The following EME2 variants were observed in gnomAD, a reference collection of about 807,000 sequenced individuals.
The protein encoded by EME2 is essential meiotic structure-specific endonuclease subunit 2.
Under a neutral mutation model 41.9 loss-of-function variants are expected in EME2, and 58 were observed. The observed-to-expected ratio is 1.38, with a 90% CI of 1.12 to 1.72. The LOEUF is 1.72. Among genes scored for constraint, EME2 ranks in the 40% most tolerant of loss-of-function variants. The pLI, the probability that EME2 is intolerant of heterozygous loss-of-function variation, is 0.00. For missense variants in EME2, 695 were observed against 541.9 expected, an observed-to-expected ratio of 1.28 and a Z score of -2.81; for synonymous variants, 334 against 239.3, an observed-to-expected ratio of 1.40 and a Z score of -3.65.
At position 1,777,215 on chromosome 16, in the gene EME2, A is replaced by T. The variant is rs1245600969; in HGVS notation, c.*977A>T. 1.2e-6 allele frequency: 2 copies of T among 1,610,626 alleles called. No individual in the cohort carries two copies. Among genetic ancestry groups the T allele is most frequent in the Non-Finnish European group, 1.7e-6 (2 of 1,179,826 alleles). On this transcript the variant is annotated 3_prime_UTR_variant, in exon 8 of 8. Transcript: ENST00000568449. ...CTTGCGGCGGCTGCAACTCATGCTC[A>T]GGACCCAGCCCAGCTTGTTGTGTAG... is the stretch of plus-strand genomic sequence containing the variant.
Position 1,775,682 on chromosome 16 carries a change from C to T in EME2, c.777C>T (p.Leu259=), listed in dbSNP as rs774035508. The change falls in exon 6 of 8, where the codon CTC becomes CTT. Residue 259 remains leucine (L), a splice_region_variant and synonymous_variant. Transcript: ENST00000568449. ...CCAAGGCTCTCGCCCAGTATCCCCT[C>T]AAGTGCGTGATGCCAAGGCTGAAGG... ...AVTKALAQYP[L]KQYRESQAFS... is the part of the protein sequence containing the mutation. 3 of 1,612,758 alleles carry T rather than the reference C, an allele frequency of 1.9e-6. No individual in the cohort carries two copies. Among genetic ancestry groups the T allele is most frequent in the Admixed American group, 1.7e-5 (1 of 60,032 alleles).
chr16:1,775,897 C>T lies in EME2; in HGVS notation c.880C>T (p.Arg294Trp), dbSNP rs371450157. Residue 294 changes from arginine to tryptophan, a missense_variant, in exon 7 of 8, where the codon CGG (arginine) becomes TGG (tryptophan). Arg to Trp is a moderately radical substitution (Grantham distance 101). Coordinates refer to ENST00000568449, the MANE Select transcript of EME2 (RefSeq NM_001257370.2). ...CGGCGCAGGGCTGCAGGCGGCCTGG[C>T]GGAGGCAGATCAGGCAGTTCAGTCG... Reference protein sequence around the residue: ...RDGAGLQAAWRRQIRQFSRVS... With the variant: ...RDGAGLQAAWWRQIRQFSRVS... 1.6e-5 allele frequency: 25 copies of T among 1,612,250 alleles called. No individual in the cohort carries two copies. The highest frequency in any genetic ancestry group is 1.6e-4 in the Middle Eastern group (1 of 6,082).
Position 1,781,382 on chromosome 16 carries a change from G to C in EME2, c.*5144G>C, listed in dbSNP as rs764962872. ...CCTGCCCATCAGAGTCGTAGCCCCA[G>C]TTAGTGGAGCCTGCTAGAGCCACGG... On this transcript the variant is annotated 3_prime_UTR_variant, in exon 8 of 8. Coordinates refer to ENST00000568449, the MANE Select transcript of EME2 (RefSeq NM_001257370.2). 6.2e-7 allele frequency: 1 copy of C among 1,612,870 alleles called. No homozygotes were observed. Among genetic ancestry groups the C allele is most frequent in the East Asian group, 2.2e-5 (1 of 44,884 alleles).
At position 1,777,492 on chromosome 16, in the gene EME2, T is replaced by A. The variant is rs2042731931; in HGVS notation, c.*1254T>A. 6.9e-7 allele frequency: 1 copy of A among 1,447,188 alleles called. No individual in the cohort carries two copies. Among genetic ancestry groups the A allele is most frequent in the South Asian group, 1.4e-5 (1 of 71,670 alleles). The allele number at this position is 1,447,188 out of a possible 1,614,324, so 89.6% of individuals were successfully genotyped here. On this transcript the variant is annotated 3_prime_UTR_variant, in exon 8 of 8. Coordinates refer to ENST00000568449, the MANE Select transcript of EME2 (RefSeq NM_001257370.2). The stretch of plus-strand genomic sequence containing the variant: ...AACCCCAGGCAGGGAAGGGGCCAGC[T>A]ACTGGGCGCAGCCCCTCAGACCTCA...
Position 1,773,117 on chromosome 16 carries a change from C to T in EME2, c.-111C>T, listed in dbSNP as rs944104381. ...GCCGCGGACGCACCTTCTTCCGCGC[C>T]ATGGCGGGTCCGCGTCCTCAGCGGT... On this transcript the variant is annotated 5_prime_UTR_variant, in exon 1 of 8. Transcript: ENST00000568449. 9 of 1,392,034 alleles carry T rather than the reference C, an allele frequency of 6.5e-6. No individual in the cohort carries two copies. In the African/African-American group the frequency reaches 1.1e-4, roughly 17 times the overall value. The allele number at this position is 1,392,034 out of a possible 1,614,324, so 86.2% of individuals were successfully genotyped here. A position where few individuals can be genotyped will look rare whatever the true frequency, so the allele number is the denominator to read the frequency against.
Position 1,772,918 on chromosome 16 carries a change from G to A in EME2, c.-310G>A. The A allele has an allele frequency of 1.4e-6, 2 of 1,449,402 alleles. No homozygotes were observed. Among genetic ancestry groups the A allele is most frequent in the South Asian group, 1.4e-5 (1 of 71,268 alleles). 89.8% of individuals were successfully genotyped at this position (1,449,402 alleles called of 1,614,324 possible). A position where few individuals can be genotyped will look rare whatever the true frequency, so the allele number is the denominator to read the frequency against. ...AGGCCGAAGAGCGGGAGGCGGCCGA[G>A]CAGCTGCAAGAGGCGGCTCTCGCGG... On this transcript the variant is annotated 5_prime_UTR_variant, in exon 1 of 8. Transcript: ENST00000568449.
At position 1,773,798 on chromosome 16, in the gene EME2, G is replaced by C; in HGVS notation, c.341G>C (p.Ser114Thr). The C allele has an allele frequency of 1.3e-6, 2 of 1,556,280 alleles. No individual in the cohort carries two copies. The highest frequency in any genetic ancestry group is 1.9e-5 in the Admixed American group (1 of 52,606). The change falls in exon 2 of 8, where the codon AGC becomes ACC. Residue 114 changes from serine to threonine, a missense_variant. Physicochemically the swap from Ser to Thr is moderately conservative, Grantham distance 58. Coordinates refer to ENST00000568449, the MANE Select transcript of EME2 (RefSeq NM_001257370.2). ...ATCGAGCCCCAGCGCCCGGCCCGCA[G>C]CCTGCGGTGGACCCGAGCGAGTCCC... ...CRIEPQRPAR[S>T]LRWTRASPDP...
Position 1,775,865 on chromosome 16 carries a change from C to G in EME2, c.848C>G (p.Ala283Gly). The G allele has an allele frequency of 1.2e-6, 2 of 1,612,646 alleles. No individual in the cohort carries two copies. Among genetic ancestry groups the G allele is most frequent in the Non-Finnish European group, 1.7e-6 (2 of 1,179,870 alleles). The change falls in exon 7 of 8, where the codon GCA (alanine) becomes GGA (glycine). Residue 283 changes from alanine (A) to glycine (G), a missense_variant. By Grantham distance (60) the Ala-to-Gly change is moderately conservative. Transcript: ENST00000568449. ...CGCTGGGCAGCCGGCGAGCCAGTGG[C>G]AAGAGACGGCGCAGGGCTGCAGGCG... ...AGRWAAGEPV[A>G]RDGAGLQAAW...
rs1010167704 is a variant in EME2 at position 1,777,603 on chromosome 16, C to G, written c.*1365C>G. 1.6e-5 allele frequency: 23 copies of G among 1,423,790 alleles called. No homozygotes were observed. In the South Asian group the frequency reaches 2.2e-4, roughly 13 times the overall value. The allele number at this position is 1,423,790 out of a possible 1,614,324, so 88.2% of individuals were successfully genotyped here. ...GCCCTGCCACTCCAGCCTGGCCTCA[C>G]TGTCCCACCCCCTGGGACCCTGGGG... On this transcript the variant is annotated 3_prime_UTR_variant, in exon 8 of 8. Coordinates refer to ENST00000568449, the MANE Select transcript of EME2 (RefSeq NM_001257370.2).
Position 1,774,255 on chromosome 16 carries a change from C to G in EME2, c.385-5C>G, listed in dbSNP as rs2042675995. ...AGGCAGCAGCGCGTCCCCATGTCCC[C>G]ACAGCTGCCTCCTGAAGTGTGGGCT... On this transcript the variant is annotated splice_region_variant and splice_polypyrimidine_tract_variant and intron_variant, in intron 2 of 7. Coordinates refer to ENST00000568449, the MANE Select transcript of EME2 (RefSeq NM_001257370.2). 6.2e-7 allele frequency: 1 copy of G among 1,612,230 alleles called. No homozygotes were observed. Among genetic ancestry groups the G allele is most frequent in the South Asian group, 1.1e-5 (1 of 91,074 alleles).
rs1386396235 is a variant in EME2 at position 1,780,168 on chromosome 16, G to A, written c.*3930G>A. 1 of 152,298 alleles carries A rather than the reference G, an allele frequency of 6.6e-6. No homozygotes were observed. The highest frequency in any genetic ancestry group is 6.5e-5 in the Admixed American group (1 of 15,284). 9.4% of individuals were successfully genotyped at this position (152,298 alleles called of 1,614,324 possible). A position where few individuals can be genotyped will look rare whatever the true frequency, so the allele number is the denominator to read the frequency against. ...CATGGTGACAGAGGACAAGCAGCAT[G>A]CGTGTGTCAGACACTGGCCTGGCCT... On this transcript the variant is annotated 3_prime_UTR_variant, in exon 8 of 8. Coordinates refer to ENST00000568449, the MANE Select transcript of EME2 (RefSeq NM_001257370.2).
intron 3 of EME2, 94 bp downstream of exon 3, chr16:1,774,446 G>C (rs1005102461): frequency 1.0e-6 from 1 of 972,988 alleles, no homozygotes; most frequent in South Asian, 1.3e-5. Flanking sequence ...CCCTGTAGAC[G>C]GGGCTGGAGG....
rs752446772 is a variant in EME2 at position 1,773,268 on chromosome 16, A to AGGGCCG, written c.51_56dup (p.Arg20_Gly21dup). 9 of 1,459,252 alleles carry AGGGCCG rather than the reference A, an allele frequency of 6.2e-6. No individual in the cohort carries two copies. The South Asian group carries it at 8.3e-5, about 13-fold the overall frequency. 90.4% of individuals were successfully genotyped at this position (1,459,252 alleles called of 1,614,324 possible). A position where few individuals can be genotyped will look rare whatever the true frequency, so the allele number is the denominator to read the frequency against. On this transcript the variant is annotated inframe_insertion, in exon 1 of 8. Transcript: ENST00000568449. ...CCCGGGAGGGCGGGGGTCTCTTGCC[A>AGGGCCG]GGGCCGGGGCCGGGGACGGGGCGGG...
At position 1,778,438 on chromosome 16, in the gene EME2, C is replaced by G; in HGVS notation, c.*2200C>G. 2 of 1,609,074 alleles carry G rather than the reference C, an allele frequency of 1.2e-6. No homozygotes were observed. The highest frequency in any genetic ancestry group is 1.7e-4 in the Middle Eastern group (1 of 5,962). On this transcript the variant is annotated 3_prime_UTR_variant, in exon 8 of 8. Coordinates refer to ENST00000568449, the MANE Select transcript of EME2 (RefSeq NM_001257370.2). ...AGGGGCTGGGCCCCACGCTCACACT[C>G]GTCTTCCTCTCCGCAGCGGCAGTCC... is the stretch of plus-strand genomic sequence containing the variant.
rs1484312352 is a variant in EME2 at position 1,773,833 on chromosome 16, C to T, written c.376C>T (p.Pro126Ser). 1 of 1,544,260 alleles carries T rather than the reference C, an allele frequency of 6.5e-7. No individual in the cohort carries two copies. Among genetic ancestry groups the T allele is most frequent in the African/African-American group, 1.4e-5 (1 of 72,870 alleles). ...RWTRASPDPC[P>S]RSLPPEVWAA... ...GACCCGAGCGAGTCCCGACCCCTGC[C>T]CCCGCAGCGTGAGTGGTCGCGGGTT... Residue 126 changes from proline (P) to serine (S), a missense_variant, in exon 2 of 8, where the codon CCC (proline) becomes TCC (serine). Physicochemically the swap from Pro to Ser is moderately conservative, Grantham distance 74 (BLOSUM62 -1). Coordinates refer to ENST00000568449, the MANE Select transcript of EME2 (RefSeq NM_001257370.2).
Position 1,780,742 on chromosome 16 carries a change from G to GT in EME2, c.*4512dup, listed in dbSNP as rs918565223. The stretch of plus-strand genomic sequence containing the variant: ...TAAACCAAAGAATTTTTTTGTTTTT[G>GT]TTTTTTTTGAGTCAGGGTCTAGCTC... On this transcript the variant is annotated 3_prime_UTR_variant, in exon 8 of 8. Transcript: ENST00000568449. The GT allele has an allele frequency of 9.2e-5, 15 of 162,422 alleles. No individual in the cohort carries two copies. The highest frequency in any genetic ancestry group is 2.9e-4 in the South Asian group (2 of 6,882). 10.1% of individuals were successfully genotyped at this position (162,422 alleles called of 1,614,324 possible). A position where few individuals can be genotyped will look rare whatever the true frequency, so the allele number is the denominator to read the frequency against.
Position 1,776,811 on chromosome 16 carries a change from GC to G in EME2, c.*576del. On this transcript the variant is annotated 3_prime_UTR_variant, in exon 8 of 8. Transcript: ENST00000568449. ...GCAGAGCAAGTTAGGAAAAACCGAGGCCCTGTGGGAACAGCAACGCGGGCTC... is the reference window on the plus strand; with the variant it reads ...GCAGAGCAAGTTAGGAAAAACCGAGGCCTGTGGGAACAGCAACGCGGGCTC... The G allele has an allele frequency of 2.0e-6, 1 of 504,714 alleles. No homozygotes were observed. Among genetic ancestry groups the G allele is most frequent in the Non-Finnish European group, 3.5e-6 (1 of 284,460 alleles). The allele number at this position is 504,714 out of a possible 1,614,324, so 31.3% of individuals were successfully genotyped here.
At position 1,776,150 on chromosome 16, in the gene EME2, C is replaced by G. The variant is rs1014201857; in HGVS notation, c.1052C>G (p.Pro351Arg). 6.2e-7 allele frequency: 1 copy of G among 1,612,322 alleles called. No individual in the cohort carries two copies. The highest frequency in any genetic ancestry group is 1.3e-5 in the African/African-American group (1 of 74,950). ...LPVPPSEGGR[P>R]RRVGPDLSRR... ...GTGCCGCCCAGTGAAGGCGGGCGTC[C>G]CCGCAGGGTGGGGCCTGACCTCTCC... The change falls in exon 8 of 8, where the codon CCC (proline) becomes CGC (arginine). Residue 351 changes from proline (P) to arginine (R), a missense_variant. Physicochemically the swap from Pro to Arg is moderately radical, Grantham distance 103. Coordinates refer to ENST00000568449, the MANE Select transcript of EME2 (RefSeq NM_001257370.2).
rs1896686700 is a variant in EME2 at position 1,781,004 on chromosome 16, A to G, written c.*4766A>G. The G allele has an allele frequency of 4.2e-6, 2 of 472,232 alleles. No individual in the cohort carries two copies. Among genetic ancestry groups the G allele is most frequent in the African/African-American group, 2.0e-5 (1 of 49,484 alleles). The allele number at this position is 472,232 out of a possible 1,614,324, so 29.3% of individuals were successfully genotyped here. A position where few individuals can be genotyped will look rare whatever the true frequency, so the allele number is the denominator to read the frequency against. ...AGCTTCAGCCTCCCAAAGTGCTAGG[A>G]TTATAGGTGTGAGCCACAGTGCCCA... On this transcript the variant is annotated 3_prime_UTR_variant, in exon 8 of 8. Coordinates refer to ENST00000568449, the MANE Select transcript of EME2 (RefSeq NM_001257370.2).
Sources: allele counts gnomAD v4.1 joint callset, GRCh38; gene constraint gnomAD v4.1.1; transcripts MANE v1.5; gene names NCBI Gene and HGNC (gene_info 2026-07-23, HGNC 2026-07-21).